Variants in PRKAG2 observed in about 807,000 individuals in gnomAD.
PRKAG2 encodes the protein protein kinase AMP-activated non-catalytic subunit gamma 2.
Under a neutral mutation model 69.6 loss-of-function variants are expected in PRKAG2, and 26 were observed. The observed-to-expected ratio is 0.37, with a 90% CI of 0.27 to 0.52. The LOEUF (loss-of-function observed/expected upper bound fraction) is 0.52, where lower values mean the gene tolerates loss of function less well. Ranked by LOEUF, PRKAG2 falls within the 20% of genes least tolerant of loss-of-function variation. The pLI is 0.90. For missense variants in PRKAG2, 557 were observed against 740.0 expected (o/e 0.75, Z 2.87); for synonymous variants, 293 against 285.0 (o/e 1.03, Z -0.28).
chr7:151,867,334 A>G (rs1244731464), intron 1 of PRKAG2, among the ~76,000 whole-genome samples: 1 of 152,192 alleles, frequency 6.6e-6, no homozygotes, highest in Non-Finnish European at 1.5e-5. Flanking sequence ...TCTAGAGGCC[A>G]GAGGTCTGAA....
intron 6 of PRKAG2, among the ~76,000 whole-genome samples, chr7:151,591,808 C>A (rs1813204825): frequency 6.6e-6 from 1 of 152,106 alleles, no homozygotes; most frequent in South Asian, 2.1e-4. Context: ...ACAGAGCAGA[C>A]ATTGAGGGTT....
chr7:151,782,283 A>T (rs961806474), intron 2 of PRKAG2, among the ~76,000 whole-genome samples: 2 of 143,622 alleles, frequency 1.4e-5, no homozygotes, highest in African/African-American at 5.2e-5. Context: ...ACTCCATTTC[A>T]AGAGAAAGGA....
intron 1 of PRKAG2, among the ~76,000 whole-genome samples, chr7:151,794,908 C>A (rs2077423998): frequency 6.6e-6 from 1 of 152,218 alleles, no homozygotes; most frequent in Admixed American, 6.5e-5. Context: ...CTTGGAGGGA[C>A]CCCACTGGCC....
intron 3 of PRKAG2, among the ~76,000 whole-genome samples, chr7:151,686,217 G>A (rs1585757699): frequency 6.6e-6 from 1 of 152,314 alleles, no homozygotes; most frequent in South Asian, 2.1e-4. Flanking sequence ...GGAGGAGCCT[G>A]GGGATGTGAG....
At chr7:151,865,256 C>T (rs990310889) in intron 1 of PRKAG2, among the ~76,000 whole-genome samples, 18 of 152,344 alleles carry the variant, frequency 1.2e-4, no homozygotes, top group Admixed American at 4.6e-4. Flanking sequence ...GTTGTCCCCG[C>T]GGCTCGGCTG....
chr7:151,558,388 T>C, intron 15 of PRKAG2: 2 of 985,416 alleles, frequency 2.0e-6, no homozygotes, highest in South Asian at 4.7e-5. Flanking sequence ...TGCACACACA[T>C]GGCTTTTGTG....
intron 1 of PRKAG2, among the ~76,000 whole-genome samples, chr7:151,834,024 A>C (rs1269966427): frequency 6.6e-6 from 1 of 152,156 alleles, no homozygotes; most frequent in Non-Finnish European, 1.5e-5. Context: ...TTAAAAAGTT[A>C]CCTTTGCTAA....
At chr7:151,599,691 A>G (rs1815534638) in intron 5 of PRKAG2, among the ~76,000 whole-genome samples, 2 of 152,260 alleles carry the variant, frequency 1.3e-5, no homozygotes, top group East Asian at 1.9e-4. Context: ...CCTATGAGAC[A>G]CTAAAGCTGT....
Position 151,568,701 on chromosome 7 carries a change from C to T in PRKAG2, c.1233+15G>A, listed in dbSNP as rs756832099. On this transcript the variant is annotated intron_variant, in intron 11 of 15. Coordinates refer to ENST00000287878, the MANE Select transcript of PRKAG2 (RefSeq NM_016203.4). Reference sequence around the variant, plus strand: ...AAATGCAATTATGTCTTTAGAAACGCTAAAAACTACTTACAAAAAGCTGGA... The same window carrying T: ...AAATGCAATTATGTCTTTAGAAACGTTAAAAACTACTTACAAAAAGCTGGA... The T allele has an allele frequency of 1.2e-6, 2 of 1,613,104 alleles. No homozygotes were observed. The highest frequency in any genetic ancestry group is 2.2e-5 in the East Asian group (1 of 44,810).
intron 1 of PRKAG2, among the ~76,000 whole-genome samples, chr7:151,861,619 G>A (rs1264436610): frequency 6.6e-5 from 10 of 151,878 alleles, no homozygotes; most frequent in Admixed American, 5.9e-4. Flanking sequence ...GGGATGGGAT[G>A]GTGGCCACAG....
chr7:151,750,863 A>C (rs1430412600), intron 3 of PRKAG2, among the ~76,000 whole-genome samples: 1 of 151,598 alleles, frequency 6.6e-6, no homozygotes, highest in Admixed American at 6.6e-5. Flanking sequence ...CCTGGGACAG[A>C]GCAAGACCCT....
intron 10 of PRKAG2, 123 bp downstream of exon 10, chr7:151,570,048 G>C: frequency 8.7e-7 from 1 of 1,154,514 alleles, no homozygotes; most frequent in Non-Finnish European, 1.2e-6. Context: ...AGTGTAGCTG[G>C]AATTAAGGAG....
In PRKAG2 at chr7:151,614,829, G is replaced by T. The variant is rs1819688331; in HGVS notation, c.754+17240C>A. Among the ~76,000 whole-genome samples the T allele has an allele frequency of 6.6e-6, 1 of 152,240 alleles. No individual in the cohort carries two copies. The highest frequency in any genetic ancestry group is 1.5e-5 in the Non-Finnish European group (1 of 68,044). On this transcript the variant is annotated intron_variant, in intron 5 of 15. Coordinates refer to ENST00000287878, the MANE Select transcript of PRKAG2 (RefSeq NM_016203.4). This position sits in a 1 kb window ranked among gnomAD's most constrained non-coding sequence, Gnocchi z 4.4. ...ACTCCTTGCCGACCACTGATCACTT[G>T]GCACTGGGCTCTCAGCCCCAGTCTC...
At chr7:151,712,586 C>A (rs1795503403) in intron 3 of PRKAG2, among the ~76,000 whole-genome samples, 1 of 152,250 alleles carries the variant, frequency 6.6e-6, no homozygotes, top group Non-Finnish European at 1.5e-5. Context: ...ATGGGAGGTG[C>A]CCACTGGCCT....
intron 3 of PRKAG2, among the ~76,000 whole-genome samples, chr7:151,702,169 G>C (rs984482209): frequency 4.6e-5 from 7 of 152,224 alleles, no homozygotes; most frequent in African/African-American, 1.7e-4. Context: ...GAGTTCGATT[G>C]GAGGGTGGTG....
intron 5 of PRKAG2, among the ~76,000 whole-genome samples, chr7:151,601,038 C>T (rs918632714): frequency 6.6e-6 from 1 of 152,168 alleles, no homozygotes; most frequent in Non-Finnish European, 1.5e-5. Flanking sequence ...TCCAGTAGCT[C>T]CTTATTAAAC....
chr7:151,806,086 G>A (rs1007394941), intron 1 of PRKAG2, among the ~76,000 whole-genome samples: 1 of 152,214 alleles, frequency 6.6e-6, no homozygotes, highest in Non-Finnish European at 1.5e-5. Context: ...CTACTCAGGA[G>A]GCTGAAGCAG....
intron 5 of PRKAG2, among the ~76,000 whole-genome samples, chr7:151,597,248 A>C (rs1398086005): frequency 1.3e-5 from 2 of 152,238 alleles, no homozygotes; most frequent in African/African-American, 4.8e-5. Context: ...CTGGACTCCT[A>C]TCTCTCATCA....
chr7:151,706,757 C>T (rs1423901031), intron 3 of PRKAG2, among the ~76,000 whole-genome samples: 2 of 152,256 alleles, frequency 1.3e-5, no homozygotes, highest in South Asian at 2.1e-4. Flanking sequence ...CTTCAGCAAA[C>T]GCTCAACACA....
Sources: allele counts gnomAD v4.1 joint callset (sites outside exome capture counted in the v4.1 genomes callset), GRCh38; gene constraint gnomAD v4.1.1; non-coding constraint Gnocchi (gnomAD v3.1); transcripts MANE v1.5; gene names NCBI Gene and HGNC (gene_info 2026-07-23, HGNC 2026-07-21).